MSRA: variants seen among roughly 807,000 people sequenced by gnomAD.
The protein encoded by MSRA is methionine sulfoxide reductase A, also known as mitochondrial peptide methionine sulfoxide reductase.
MSRA carries 54 observed loss-of-function variants against 31.3 expected under a neutral mutation model. The ratio of observed to expected loss-of-function variants is 1.73; its 90% CI spans 1.39 to 2.17. MSRA has a LOEUF of 2.17. MSRA is among the 30% of genes most tolerant of loss of function. The probability of loss-of-function intolerance (pLI) is 0.00; values close to 1 mark genes in which losing one functional copy is unlikely to be tolerated. For synonymous variants in MSRA, 169 were observed against 116.5 expected, an observed-to-expected ratio of 1.45 and a Z score of -2.90; for missense variants, 507 against 300.9, an observed-to-expected ratio of 1.69 and a Z score of -5.07.
intron 5 of MSRA, among the ~76,000 whole-genome samples, chr8:10,413,808 G>A (rs4311657): frequency 0.12 from 17,929 of 152,152 alleles, 1,915 homozygotes; most frequent in East Asian, 0.45. Flanking sequence ...AATTTAAAAT[G>A]GGGGAAAAAC....
rs908593359 is a variant in MSRA, at chr8:10,054,670, C to T, written c.142+12C>T. ...GACCCCTGTAGCGGGTAAGCACTGGCCACACGGAAGGCGCGGGCGGCGACG... is the reference window on the plus strand; with the variant it reads ...GACCCCTGTAGCGGGTAAGCACTGGTCACACGGAAGGCGCGGGCGGCGACG... On this transcript the variant is annotated intron_variant, in intron 1 of 5. Transcript: ENST00000317173. The T allele has an allele frequency of 1.3e-6, 2 of 1,508,718 alleles. No homozygotes were observed. The highest frequency in any genetic ancestry group is 4.2e-5 in the Admixed American group (2 of 47,902). 93.5% of individuals were successfully genotyped at this position (1,508,718 alleles called of 1,614,324 possible). A position where few individuals can be genotyped will look rare whatever the true frequency, so the allele number is the denominator to read the frequency against.
intron 5 of MSRA, among the ~76,000 whole-genome samples, chr8:10,327,556 G>A (rs1802431519): frequency 6.6e-6 from 1 of 152,158 alleles, no homozygotes; most frequent in South Asian, 2.1e-4. Flanking sequence ...AAGCTCTTCA[G>A]TTAAGCCCTG....
At chr8:10,365,800 C>G (rs1009259225) in intron 5 of MSRA, among the ~76,000 whole-genome samples, 8 of 152,210 alleles carry the variant, frequency 5.3e-5, no homozygotes, top group African/African-American at 1.9e-4. Flanking sequence ...AGTGAAGGCA[C>G]TCGGAGGTAG....
Position 10,209,678 on chromosome 8 carries a change from C to T in MSRA, c.211+1777C>T, listed in dbSNP as rs575605767. 1.8e-4 allele frequency among the ~76,000 whole-genome samples: 27 copies of T among 152,312 alleles called. 1 individual carries two copies. The highest frequency in any genetic ancestry group is 8.5e-4 in the Admixed American group (13 of 15,298). Reference sequence around the variant, plus strand: ...TTCCCCTCTCTAAGCCTCCGCTTTTCGATGAGGAGGCTGACAGGTGAACTC... The same window carrying T: ...TTCCCCTCTCTAAGCCTCCGCTTTTTGATGAGGAGGCTGACAGGTGAACTC... On this transcript the variant is annotated intron_variant, in intron 2 of 5. Coordinates refer to ENST00000317173, the MANE Select transcript of MSRA (RefSeq NM_012331.5).
chr8:10,199,896 A>T (rs558437482), intron 1 of MSRA, among the ~76,000 whole-genome samples: 1 of 152,112 alleles, frequency 6.6e-6, no homozygotes, highest in Non-Finnish European at 1.5e-5. Context: ...GCACTTATCA[A>T]TGTGGAGAAC....
chr8:10,304,711 C>T (rs1301226282), intron 4 of MSRA, among the ~76,000 whole-genome samples: 1 of 152,192 alleles, frequency 6.6e-6, no homozygotes, highest in African/African-American at 2.4e-5. Flanking sequence ...ACATGGCAAC[C>T]TGTCACGTTT....
chr8:10,144,600 CT>C (rs1001912113), intron 1 of MSRA, among the ~76,000 whole-genome samples: 3 of 151,996 alleles, frequency 2.0e-5, no homozygotes, highest in South Asian at 2.1e-4. Flanking sequence ...GCTTCCCCCC[CT>C]CCTCCCCCTT....
intron 2 of MSRA, among the ~76,000 whole-genome samples, chr8:10,209,818 G>A (rs1809318299): frequency 6.6e-6 from 1 of 152,160 alleles, no homozygotes; most frequent in South Asian, 2.1e-4. Flanking sequence ...CAGCATGTGT[G>A]GTTTTAGAAG....
chr8:10,264,720 T>A (rs1289277040), intron 3 of MSRA, among the ~76,000 whole-genome samples: 6 of 152,120 alleles, frequency 3.9e-5, no homozygotes, highest in Non-Finnish European at 8.8e-5. Context: ...GTGAGATGAC[T>A]AGTGAGAAGC....
intron 5 of MSRA, among the ~76,000 whole-genome samples, chr8:10,322,116 C>T (rs1464159714): frequency 6.6e-6 from 1 of 152,146 alleles, no homozygotes; most frequent in African/African-American, 2.4e-5. Flanking sequence ...GAAATTTTCT[C>T]AATTCACATG....
rs143058214 is a variant in MSRA, at chr8:10,185,016, G to A, written c.143-22817G>A. On this transcript the variant is annotated intron_variant, in intron 1 of 5. Coordinates refer to ENST00000317173, the MANE Select transcript of MSRA (RefSeq NM_012331.5). ...GATCTTTATTGCAGGGCTGAGACCCGGTTCTTAACTGTTCTTTCCTCATGC... is the reference window on the plus strand; with the variant it reads ...GATCTTTATTGCAGGGCTGAGACCCAGTTCTTAACTGTTCTTTCCTCATGC... Among the ~76,000 whole-genome samples the A allele has an allele frequency of 1.9e-3, 284 of 152,296 alleles. 1 individual carries two copies. Among genetic ancestry groups the A allele is most frequent in the African/African-American group, 6.6e-3 (275 of 41,568 alleles).
chr8:10,251,929 T>C (rs1797939388), intron 3 of MSRA, among the ~76,000 whole-genome samples: 1 of 152,010 alleles, frequency 6.6e-6, no homozygotes, highest in South Asian at 2.1e-4. Flanking sequence ...TTAACCATCT[T>C]CCAATACAAC....
At chr8:10,193,370 C>A (rs767657209) in intron 1 of MSRA, among the ~76,000 whole-genome samples, 96 of 152,346 alleles carry the variant, frequency 6.3e-4, no homozygotes, top group Middle Eastern at 3.4e-3. Context: ...GCCGCCTCCT[C>A]TGTCTCCCCT....
At chr8:10,146,518 C>T (rs1221245439) in intron 1 of MSRA, among the ~76,000 whole-genome samples, 1 of 152,042 alleles carries the variant, frequency 6.6e-6, no homozygotes, top group Non-Finnish European at 1.5e-5. Flanking sequence ...GGGCCGAGGG[C>T]TGGGGGTTTC....
At chr8:10,166,222 GC>G (rs1476977182) in intron 1 of MSRA, among the ~76,000 whole-genome samples, 1 of 152,184 alleles carries the variant, frequency 6.6e-6, no homozygotes, top group African/African-American at 2.4e-5. Flanking sequence ...AAGTTTTGGA[GC>G]TTTTGGTTTC....
intron 1 of MSRA, among the ~76,000 whole-genome samples, chr8:10,055,831 G>T (rs1036375663): frequency 2.6e-5 from 4 of 152,138 alleles, no homozygotes; most frequent in Admixed American, 6.5e-5. Context: ...AGGTTTTTTG[G>T]ATTAGAGGCA....
intron 5 of MSRA, among the ~76,000 whole-genome samples, chr8:10,321,052 T>C (rs547517693): frequency 6.6e-6 from 1 of 152,316 alleles, no homozygotes; most frequent in Admixed American, 6.5e-5. Flanking sequence ...AACAGTAAAT[T>C]GAATTATGAT....
chr8:10,422,109 A>T (rs905511569), intron 5 of MSRA, among the ~76,000 whole-genome samples: 4 of 152,158 alleles, frequency 2.6e-5, no homozygotes, highest in Non-Finnish European at 2.9e-5. Flanking sequence ...ATAGGGAGAC[A>T]CTGTCTCTAT....
intron 5 of MSRA, among the ~76,000 whole-genome samples, chr8:10,381,364 C>G (rs1806058587): frequency 6.6e-6 from 1 of 152,110 alleles, no homozygotes; most frequent in Non-Finnish European, 1.5e-5. Flanking sequence ...AGTAATTAGC[C>G]AGGAAGTTTT....
Sources: gnomAD v4.1 joint callset for allele counts (sites outside exome capture counted in the v4.1 genomes callset) on GRCh38, gnomAD v4.1.1 for gene constraint, MANE v1.5 for transcripts, NCBI Gene and HGNC (gene_info 2026-07-23, HGNC 2026-07-21) for gene names.